Variants in BACH2 observed in about 807,000 individuals in gnomAD.
BACH2 encodes the protein BACH transcriptional regulator 2.
A neutral mutation model predicts 61.8 loss-of-function variants in BACH2; 5 were observed. The observed-to-expected ratio is 0.08, with a 90% confidence interval of 0.04 to 0.17. The LOEUF (loss-of-function observed/expected upper bound fraction) is 0.17. Ranked by LOEUF, BACH2 falls within the 10% of genes least tolerant of loss-of-function variation. The pLI is 1.00. For missense variants in BACH2, 824 were observed against 1,091.1 expected (o/e 0.76, Z 3.45); for synonymous variants, 446 against 440.1 (o/e 1.01, Z -0.17).
rs992757590 is a variant in BACH2 at position 90,053,696 on chromosome 6, C to T, written c.-13+35265G>A. Among the ~76,000 whole-genome samples the T allele has an allele frequency of 5.3e-5, 8 of 152,186 alleles. No homozygotes were observed. In the East Asian group the frequency reaches 1.5e-3, roughly 29 times the overall value. On this transcript the variant is annotated intron_variant, in intron 5 of 8. Coordinates refer to ENST00000257749, the MANE Select transcript of BACH2 (RefSeq NM_021813.4). ...TTTTGAAGGTTATTTTTGCTGAAAA[C>T]ACAATTTTAAGTCGAAAATCATTTT...
chr6:89,942,864 C>T (rs914198178), intron 7 of BACH2, among the ~76,000 whole-genome samples: 1 of 152,204 alleles, frequency 6.6e-6, no homozygotes, highest in African/African-American at 2.4e-5. Flanking sequence ...GACTCTTCCC[C>T]CTCTGGAACA....
intron 4 of BACH2, among the ~76,000 whole-genome samples, chr6:90,113,935 C>T (rs1221698825): frequency 6.6e-6 from 1 of 152,088 alleles, no homozygotes; most frequent in East Asian, 1.9e-4. Context: ...TGGATAAATT[C>T]CTGGACACAT....
intron 4 of BACH2, among the ~76,000 whole-genome samples, chr6:90,097,403 G>A (rs1254081988): frequency 1.3e-5 from 2 of 152,206 alleles, no homozygotes; most frequent in African/African-American, 4.8e-5. Context: ...GGAGGAAGAA[G>A]GCAGCATTTG....
At chr6:90,117,043 A>G in intron 4 of BACH2, 1 of 337,268 alleles carries the variant, frequency 3.0e-6, no homozygotes, top group Non-Finnish European at 5.9e-6. Flanking sequence ...ACTGTCTATG[A>G]ATTCAGCCAT....
intron 3 of BACH2, among the ~76,000 whole-genome samples, chr6:90,223,199 AAC>A (rs1769797840): frequency 6.6e-6 from 1 of 152,122 alleles, no homozygotes; most frequent in African/African-American, 2.4e-5. Context: ...ATTTACTTCC[AAC>A]ACTTAATAAA....
At chr6:90,201,193 C>T (rs1352474274) in intron 4 of BACH2, among the ~76,000 whole-genome samples, 3 of 152,122 alleles carry the variant, frequency 2.0e-5, no homozygotes, top group Non-Finnish European at 2.9e-5. Context: ...TGGCGGTTCT[C>T]TTTGAGTTAA....
At chr6:89,959,885 G>A (rs528179608) in intron 6 of BACH2, among the ~76,000 whole-genome samples, 5 of 152,316 alleles carry the variant, frequency 3.3e-5, no homozygotes, top group African/African-American at 1.2e-4. Flanking sequence ...GCCAACAGGT[G>A]CACAGGTGGG....
rs571009117 is a variant in BACH2 at position 89,991,474 on chromosome 6, C to T, written c.243+17128G>A. ...AGTCCTGTTCACGTAAGCGTGCACG[C>T]GCATGCACACACACACACACACATG... On this transcript the variant is annotated intron_variant, in intron 6 of 8. Transcript: ENST00000257749. Among the ~76,000 whole-genome samples, 269 of 152,202 alleles carry T rather than the reference C, an allele frequency of 1.8e-3. 1 individual carries two copies. The highest frequency in any genetic ancestry group is 5.6e-3 in the African/African-American group (231 of 41,504).
intron 1 of BACH2, among the ~76,000 whole-genome samples, chr6:90,292,011 T>C (rs1162648433): frequency 1.3e-5 from 2 of 152,212 alleles, no homozygotes; most frequent in African/African-American, 4.8e-5. Context: ...GCTATCTGAA[T>C]TGCAGATTTT....
chr6:90,258,438 C>T (rs1478364557), intron 2 of BACH2, among the ~76,000 whole-genome samples: 1 of 152,058 alleles, frequency 6.6e-6, no homozygotes, highest in African/African-American at 2.4e-5. Flanking sequence ...GTTTTTATGC[C>T]TGTATAATAC....
intron 4 of BACH2, among the ~76,000 whole-genome samples, chr6:90,196,994 T>C (rs1168086518): frequency 6.6e-6 from 1 of 152,224 alleles, no homozygotes; most frequent in Non-Finnish European, 1.5e-5. Flanking sequence ...ACTGAGGAGT[T>C]TCTGCAAATT....
At chr6:90,194,764 G>C (rs1582471634) in intron 4 of BACH2, among the ~76,000 whole-genome samples, 1 of 152,278 alleles carries the variant, frequency 6.6e-6, no homozygotes, top group East Asian at 1.9e-4. Flanking sequence ...ATTCAGCCTT[G>C]CCATGGTCAG....
chr6:89,949,031 G>A (rs561027811), intron 7 of BACH2, among the ~76,000 whole-genome samples: 75 of 152,226 alleles, frequency 4.9e-4, no homozygotes, highest in African/African-American at 1.5e-3. Flanking sequence ...TTCAAAACAC[G>A]CCCAAACTAA....
chr6:90,171,841 C>A (rs1240993564), intron 4 of BACH2, among the ~76,000 whole-genome samples: 1 of 152,000 alleles, frequency 6.6e-6, no homozygotes, highest in African/African-American at 2.4e-5. Flanking sequence ...ATTTAAGAAA[C>A]AGCCAAAAAT....
chr6:90,141,167 T>C (rs1784444517), intron 4 of BACH2, among the ~76,000 whole-genome samples: 1 of 152,132 alleles, frequency 6.6e-6, no homozygotes, highest in Non-Finnish European at 1.5e-5. Flanking sequence ...TATTGCGTGA[T>C]ACATTTTTTT....
intron 5 of BACH2, among the ~76,000 whole-genome samples, chr6:90,034,039 T>G (rs777683537): frequency 3.3e-5 from 5 of 152,186 alleles, no homozygotes; most frequent in Non-Finnish European, 5.9e-5. Flanking sequence ...TAGACCACAC[T>G]GTGTCTATAA....
intron 3 of BACH2, among the ~76,000 whole-genome samples, chr6:90,247,559 C>G (rs1340581090): frequency 6.6e-6 from 1 of 152,142 alleles, no homozygotes; most frequent in Non-Finnish European, 1.5e-5. Context: ...GGCTACCAAA[C>G]AGCAATATTA....
chr6:90,185,517 C>T lies in BACH2; in HGVS notation c.-162+21052G>A, dbSNP rs75314068. ...TTAAAAATGTCACTAAAATATAACA[C>T]GATCTTTTTGTGGTTGTGGGATTAT... On this transcript the variant is annotated intron_variant, in intron 4 of 8. Coordinates refer to ENST00000257749, the MANE Select transcript of BACH2 (RefSeq NM_021813.4). Among the ~76,000 whole-genome samples the T allele has an allele frequency of 6.9e-3, 1,042 of 152,094 alleles. 14 individuals carry two copies. The highest frequency in any genetic ancestry group is 0.024 in the African/African-American group (977 of 41,474).
chr6:89,980,793 G>T (rs533873636), intron 6 of BACH2, among the ~76,000 whole-genome samples: 1 of 152,056 alleles, frequency 6.6e-6, no homozygotes, highest in African/African-American at 2.4e-5. Flanking sequence ...GAAATGTATT[G>T]GTTTCTTTCT....
Sources: allele counts gnomAD v4.1 joint callset (sites outside exome capture counted in the v4.1 genomes callset), GRCh38; gene constraint gnomAD v4.1.1; transcripts MANE v1.5; gene names NCBI Gene and HGNC (gene_info 2026-07-23, HGNC 2026-07-21).